Variants in ECPAS observed in about 807,000 individuals in gnomAD.
ECPAS encodes the protein Ecm29 proteasome adaptor and scaffold, also known as proteasome adapter and scaffold protein ECM29.
Under a neutral mutation model 255.1 loss-of-function variants are expected in ECPAS, and 70 were observed. The ratio of observed to expected loss-of-function variants is 0.27; its 90% CI spans 0.23 to 0.33. The LOEUF (loss-of-function observed/expected upper bound fraction) is 0.33. Among genes scored for constraint, ECPAS ranks in the 10% least tolerant of loss-of-function variants. ECPAS has a pLI of 1.00. For missense variants in ECPAS, 1,817 were observed against 2,206.4 expected (o/e 0.82, Z 3.54); for synonymous variants, 784 against 775.0 (o/e 1.01, Z -0.19).
Position 111,452,200 on chromosome 9 carries a change from T to C in ECPAS, c.23-645A>G, listed in dbSNP as rs574249198. 2.0e-5 allele frequency among the ~76,000 whole-genome samples: 3 copies of C among 152,306 alleles called. No individual in the cohort carries two copies. The South Asian group carries it at 6.2e-4, about 32-fold the overall frequency. On this transcript the variant is annotated intron_variant, in intron 2 of 49. Transcript: ENST00000684092. ...GGGAGCCTATGCAAACAACTAGATATTTGATTTTAAGGAATTACTGTTAAA... is the reference window on the plus strand; with the variant it reads ...GGGAGCCTATGCAAACAACTAGATACTTGATTTTAAGGAATTACTGTTAAA...
chr9:111,472,379 C>A (rs2098289684), intron 2 of ECPAS, among the ~76,000 whole-genome samples: 1 of 152,062 alleles, frequency 6.6e-6, no homozygotes, highest in African/African-American at 2.4e-5. Context: ...TCCTTGTGCA[C>A]AGTGCTAAAT....
At chr9:111,428,270 C>T (rs1262009048) in intron 9 of ECPAS, 109 bp from the exon 10 acceptor site, 1 of 977,616 alleles carries the variant, frequency 1.0e-6, no homozygotes, top group Non-Finnish European at 1.5e-6. Context: ...GTTTCAAGAT[C>T]CCTTTACACT....
Position 111,376,458 on chromosome 9 carries a change from A to G in ECPAS, c.4020+18T>C, listed in dbSNP as rs772144619. ...AGGTAAGCAAACAAACCCTCTCATT[A>G]TTATTTAAGACACTCACCATGTTGA... On this transcript the variant is annotated intron_variant, in intron 37 of 49. Coordinates refer to ENST00000684092, the MANE Select transcript of ECPAS (RefSeq NM_001364929.1). 6.4e-7 allele frequency: 1 copy of G among 1,565,930 alleles called. No individual in the cohort carries two copies. Among genetic ancestry groups the G allele is most frequent in the Non-Finnish European group, 8.7e-7 (1 of 1,150,484 alleles).
At chr9:111,365,712 C>A (rs2098119630) in intron 48 of ECPAS, 1 of 152,416 alleles carries the variant, frequency 6.6e-6, no homozygotes, top group Non-Finnish European at 1.5e-5. Flanking sequence ...ATCAACTGAA[C>A]AAACTAGAAT....
intron 1 of ECPAS, among the ~76,000 whole-genome samples, chr9:111,476,168 T>C (rs2098296017): frequency 6.6e-6 from 1 of 152,220 alleles, no homozygotes; most frequent in African/African-American, 2.4e-5. Context: ...TGCTCCTTCA[T>C]GAGTTGCCTT....
At chr9:111,446,723 G>A (rs974512856) in intron 3 of ECPAS, among the ~76,000 whole-genome samples, 2 of 152,180 alleles carry the variant, frequency 1.3e-5, no homozygotes, top group African/African-American at 4.8e-5. Flanking sequence ...CCATTTTACA[G>A]ATGAGGAAGC....
intron 2 of ECPAS, among the ~76,000 whole-genome samples, chr9:111,466,276 G>C (rs1169813751): frequency 6.6e-6 from 1 of 151,768 alleles, no homozygotes; most frequent in Non-Finnish European, 1.5e-5. Context: ...TGAAACCCAT[G>C]TCTAGTAAAA....
intron 23 of ECPAS, among the ~76,000 whole-genome samples, chr9:111,409,755 C>CA (rs556103607): frequency 9.9e-5 from 15 of 152,060 alleles, no homozygotes; most frequent in African/African-American, 3.1e-4. Flanking sequence ...ACACCTTTTG[C>CA]ATGACAAAAG....
At chr9:111,460,645 T>C (rs868208963) in intron 2 of ECPAS, among the ~76,000 whole-genome samples, 1 of 152,162 alleles carries the variant, frequency 6.6e-6, no homozygotes, top group Non-Finnish European at 1.5e-5. Context: ...TCCTATATAA[T>C]AGTAATAAAC....
Position 111,373,232 on chromosome 9 carries a change from G to A in ECPAS, c.4274C>T (p.Ser1425Leu). The part of the protein sequence containing the change: ...AFAMGHLVRT[S>L]RDSSTEKLLQ... ...GAGTTTTTCAGTGCTGCTATCCCGT[G>A]AGGTCTGAAAAAGAAACAATCCTAA... Residue 1425 changes from serine to leucine, a missense_variant, in exon 41 of 50, where the codon TCA becomes TTA. Around this residue, in one of 4 missense-constraint regions of ECPAS, gnomAD observed 960 missense variants for 1,179.0 expected, o/e 0.81. Transcript: ENST00000684092. 1 of 1,613,676 alleles carries A rather than the reference G, an allele frequency of 6.2e-7. No individual in the cohort carries two copies. Among genetic ancestry groups the A allele is most frequent in the Non-Finnish European group, 8.5e-7 (1 of 1,179,680 alleles).
intron 7 of ECPAS, among the ~76,000 whole-genome samples, chr9:111,435,292 T>C (rs568886674): frequency 1.3e-5 from 2 of 152,296 alleles, no homozygotes; most frequent in East Asian, 1.9e-4. Flanking sequence ...AGAAAAAGTA[T>C]AAAACAAAGA....
Position 111,411,074 on chromosome 9 carries a change from C to G in ECPAS, c.2283G>C (p.Lys761Asn). 2 of 1,613,906 alleles carry G rather than the reference C, an allele frequency of 1.2e-6. No homozygotes were observed. The highest frequency in any genetic ancestry group is 1.7e-6 in the Non-Finnish European group (2 of 1,179,860). The change falls in exon 22 of 50, where the codon AAG becomes AAC. Residue 761 changes from lysine (K) to asparagine (N), a missense_variant. By Grantham distance (94) the Lys-to-Asn change is moderately conservative. Coordinates refer to ENST00000684092, the MANE Select transcript of ECPAS (RefSeq NM_001364929.1). ...CTTGTTGCTCTGACATTCTCATTTT[C>G]TTTTTAGCCAAATACCTTCCCACCG... ...GFTVGRYLAKKKMRMSEQQDL... is the reference protein window; with the variant it reads ...GFTVGRYLAKNKMRMSEQQDL...
chr9:111,368,345 T>C (rs893826859), intron 46 of ECPAS, among the ~76,000 whole-genome samples: 2 of 152,214 alleles, frequency 1.3e-5, no homozygotes, highest in Non-Finnish European at 2.9e-5. Flanking sequence ...TACTGAACAC[T>C]TGGTAACAAG....
At chr9:111,424,678 A>C (rs999562717) in intron 12 of ECPAS, among the ~76,000 whole-genome samples, 1 of 152,240 alleles carries the variant, frequency 6.6e-6, no homozygotes, top group Non-Finnish European at 1.5e-5. Context: ...AATCATTAAA[A>C]TCTCAGCCCC....
chr9:111,474,243 T>C (rs1295394978), intron 1 of ECPAS, among the ~76,000 whole-genome samples: 2 of 152,204 alleles, frequency 1.3e-5, no homozygotes, highest in Non-Finnish European at 2.9e-5. Context: ...GAATCTGTTC[T>C]CTCTTTCCTT....
chr9:111,413,902 C>T lies in ECPAS; in HGVS notation c.2072G>A (p.Trp691Ter). 1 of 1,563,250 alleles carries T rather than the reference C, an allele frequency of 6.4e-7. No homozygotes were observed. Among genetic ancestry groups the T allele is most frequent in the South Asian group, 1.2e-5 (1 of 84,920 alleles). ...LATKFVDKTE[W>*]IKSLMNNSKE... ...GGTACATGCAGAACATACCTTTATC[C>T]ATTCTGTTTTGTCTACAAATTTGGT... Residue 691 changes from tryptophan to a stop codon, truncating the protein, a stop_gained, in exon 20 of 50, where the codon TGG becomes TAG. Coordinates refer to ENST00000684092, the MANE Select transcript of ECPAS (RefSeq NM_001364929.1). LOFTEE classifies it high-confidence loss of function.
At position 111,371,611 on chromosome 9, in the gene ECPAS, G is replaced by A; in HGVS notation, c.4737+10C>T. 6.2e-7 allele frequency: 1 copy of A among 1,611,168 alleles called. No homozygotes were observed. Among genetic ancestry groups the A allele is most frequent in the Non-Finnish European group, 8.5e-7 (1 of 1,177,926 alleles). ...GAATCCCTTTAACTGGGTATGAATG[G>A]TTCCTTTACCTTTCCTGCCCACGTT... On this transcript the variant is annotated intron_variant, in intron 43 of 49. Coordinates refer to ENST00000684092, the MANE Select transcript of ECPAS (RefSeq NM_001364929.1).
intron 35 of ECPAS, 70 bp from the exon 36 acceptor site, chr9:111,378,800 G>C: frequency 6.9e-7 from 1 of 1,450,304 alleles, no homozygotes; most frequent in Non-Finnish European, 9.4e-7. Flanking sequence ...ATCTAACCAT[G>C]AGGATGTTCT....
intron 2 of ECPAS, among the ~76,000 whole-genome samples, chr9:111,460,453 C>A (rs1195360104): frequency 6.6e-6 from 1 of 152,174 alleles, no homozygotes; most frequent in East Asian, 1.9e-4. Context: ...ATTACCAATT[C>A]TATTCAAATT....
Sources: gnomAD v4.1 joint callset for allele counts (sites outside exome capture counted in the v4.1 genomes callset) on GRCh38, gnomAD v4.1.1 for gene constraint, gnomAD v4.1.1 regional missense constraint, MANE v1.5 for transcripts, NCBI Gene and HGNC (gene_info 2026-07-23, HGNC 2026-07-21) for gene names.